Variants in ZEB2 observed in about 807,000 individuals in gnomAD.
ZEB2 encodes zinc finger E-box binding homeobox 2, also known as zinc finger E-box-binding homeobox 2.
ZEB2 carries 6 observed loss-of-function variants against 99.9 expected under a neutral mutation model. That is an observed-to-expected ratio of 0.06 (90% CI 0.03 to 0.12). The LOEUF (loss-of-function observed/expected upper bound fraction) is 0.12. ZEB2 is among the 10% of genes least tolerant of loss of function. The pLI is 1.00. For synonymous variants in ZEB2, 517 were observed against 542.5 expected (o/e 0.95, Z 0.65); for missense variants, 969 against 1,502.8 (o/e 0.64, Z 5.87).
chr2:144,473,550 A>G (rs1704388251), intron 2 of ZEB2, among the ~76,000 whole-genome samples: 2 of 152,148 alleles, frequency 1.3e-5, no homozygotes, highest in African/African-American at 4.8e-5. Context: ...GGCATGTACA[A>G]TAGAGGTCAG....
intron 2 of ZEB2, among the ~76,000 whole-genome samples, chr2:144,449,101 C>T (rs1704022903): frequency 6.6e-6 from 1 of 152,178 alleles, no homozygotes; most frequent in Non-Finnish European, 1.5e-5. Flanking sequence ...AGCCTGCGCA[C>T]GCTGGGGCAA....
chr2:144,384,189 T>C lies in ZEB2; in HGVS notation c.*5262A>G, dbSNP rs1703051042. ...TCTCAAGACCAAATCGGAACAGTAG[T>C]GTTCATTTTCTATTTTCAGTATTTT... On this transcript the variant is annotated 3_prime_UTR_variant, in exon 10 of 10. Transcript: ENST00000627532. 1 of 152,136 alleles carries C rather than the reference T, an allele frequency of 6.6e-6. No homozygotes were observed. The highest frequency in any genetic ancestry group is 1.5e-5 in the Non-Finnish European group (1 of 68,000). The allele number at this position is 152,136 out of a possible 1,614,324, so 9.4% of individuals were successfully genotyped here.
intron 2 of ZEB2, chr2:144,512,314 G>C (rs1020105111): frequency 7.8e-7 from 1 of 1,287,224 alleles, no homozygotes; most frequent in African/African-American, 1.5e-5. Context: ...GAATGCAGAT[G>C]ACAAAAACTG....
At chr2:144,472,222 C>G (rs1254249906) in intron 2 of ZEB2, among the ~76,000 whole-genome samples, 1 of 151,294 alleles carries the variant, frequency 6.6e-6, no homozygotes, top group East Asian at 1.9e-4. Context: ...TCATCATCAT[C>G]ATATCATCAT....
chr2:144,498,045 T>TTAA (rs1420402607), intron 2 of ZEB2, among the ~76,000 whole-genome samples: 701 of 20,776 alleles, frequency 0.034, 196 homozygotes, highest in South Asian at 0.11. Flanking sequence ...TATATTAATA[T>TTAA]TATATATTAT....
At chr2:144,458,139 T>A (rs61294254) in intron 2 of ZEB2, among the ~76,000 whole-genome samples, 3 of 151,336 alleles carry the variant, frequency 2.0e-5, no homozygotes, top group Non-Finnish European at 4.4e-5. Context: ...TACACACACA[T>A]ACACACACAA....
chr2:144,416,016 T>A (rs1703535312), intron 4 of ZEB2, among the ~76,000 whole-genome samples: 1 of 152,246 alleles, frequency 6.6e-6, no homozygotes, highest in Non-Finnish European at 1.5e-5. Flanking sequence ...TTCACAGTGC[T>A]TAGGCTTTCT....
intron 2 of ZEB2, among the ~76,000 whole-genome samples, chr2:144,459,409 A>G (rs1704162352): frequency 6.6e-6 from 1 of 152,198 alleles, no homozygotes; most frequent in Non-Finnish European, 1.5e-5. Flanking sequence ...CTCTCAGTCC[A>G]TGGCCTCTTA....
chr2:144,408,201 A>C (rs1703413008), intron 4 of ZEB2, among the ~76,000 whole-genome samples: 1 of 152,200 alleles, frequency 6.6e-6, no homozygotes, highest in South Asian at 2.1e-4. Flanking sequence ...TGGGCATTGA[A>C]TATATTGCCT....
chr2:144,429,412 G>C (rs1430097658), intron 3 of ZEB2: 1 of 305,426 alleles, frequency 3.3e-6, no homozygotes, highest in Non-Finnish European at 6.4e-6. Context: ...TATATATGTT[G>C]TGAGTTTTTA....
chr2:144,515,327 G>A (rs1705114564), intron 2 of ZEB2, among the ~76,000 whole-genome samples: 1 of 152,034 alleles, frequency 6.6e-6, no homozygotes, highest in African/African-American at 2.4e-5. Flanking sequence ...CCCCACAACA[G>A]ACATTGATTT....
intron 2 of ZEB2, chr2:144,463,458 G>A (rs1363717440): frequency 2.0e-5 from 3 of 152,080 alleles, no homozygotes; most frequent in Admixed American, 1.3e-4. Context: ...CTTGGCACCT[G>A]GTTATCTCAT....
chr2:144,477,837 G>T (rs113071983), intron 2 of ZEB2, among the ~76,000 whole-genome samples: 3 of 152,280 alleles, frequency 2.0e-5, no homozygotes, highest in African/African-American at 7.2e-5. Context: ...GAGATGAGGA[G>T]GCCTGAAAAG....
At chr2:144,502,430 AC>A (rs1269940287) in intron 2 of ZEB2, among the ~76,000 whole-genome samples, 2 of 152,102 alleles carry the variant, frequency 1.3e-5, no homozygotes, top group African/African-American at 4.8e-5. Context: ...CATCCCACCA[AC>A]CTTTCTATGG....
chr2:144,447,061 A>T (rs868790564), intron 2 of ZEB2, among the ~76,000 whole-genome samples: 9 of 152,008 alleles, frequency 5.9e-5, no homozygotes, highest in Non-Finnish European at 1.2e-4. Context: ...TGTAAATTTC[A>T]GTCAACTGAT....
intron 1 of ZEB2, 76 bp from the exon 2 acceptor site, chr2:144,517,495 G>A (rs1705177097): frequency 1.0e-5 from 10 of 976,204 alleles, no homozygotes; most frequent in Non-Finnish European, 1.6e-5. Context: ...CAGGGGAGCC[G>A]GGCCAGGGCC....
At chr2:144,492,080 G>C (rs1460550953) in intron 2 of ZEB2, among the ~76,000 whole-genome samples, 1 of 152,170 alleles carries the variant, frequency 6.6e-6, no homozygotes, top group African/African-American at 2.4e-5. Context: ...GGGGAGAAGA[G>C]AGATCTGAGA....
At chr2:144,501,376 G>T (rs535141387) in intron 2 of ZEB2, among the ~76,000 whole-genome samples, 14 of 152,272 alleles carry the variant, frequency 9.2e-5, no homozygotes, top group African/African-American at 3.1e-4. Context: ...GGCCATGTAA[G>T]CAATTGTGGA....
At chr2:144,437,651 T>A (rs944658239) in intron 2 of ZEB2, among the ~76,000 whole-genome samples, 2 of 151,390 alleles carry the variant, frequency 1.3e-5, no homozygotes, top group African/African-American at 4.9e-5. Flanking sequence ...TGTTTTGGTA[T>A]TTTTTTTTAT....
Sources: allele counts gnomAD v4.1 joint callset (sites outside exome capture counted in the v4.1 genomes callset), GRCh38; gene constraint gnomAD v4.1.1; transcripts MANE v1.5; gene names NCBI Gene and HGNC (gene_info 2026-07-23, HGNC 2026-07-21).